PLA2G4E: variants seen among roughly 807,000 people sequenced by gnomAD.
PLA2G4E encodes the protein phospholipase A2 group IVE, also known as cytosolic phospholipase A2 epsilon.
Under a neutral mutation model 109.1 loss-of-function variants are expected in PLA2G4E, and 84 were observed. The observed-to-expected ratio is 0.77, with a 90% CI of 0.65 to 0.92. PLA2G4E has a LOEUF of 0.92. PLA2G4E is among the 40% of genes least tolerant of loss of function. The pLI, the probability that PLA2G4E is intolerant of heterozygous loss-of-function variation, is 0.00. For missense variants in PLA2G4E, 1,057 were observed against 1,076.6 expected (o/e 0.98, Z 0.25); for synonymous variants, 469 against 436.1 (o/e 1.08, Z -0.94).
At chr15:42,015,868 C>T (rs1416142037) in intron 1 of PLA2G4E, among the ~76,000 whole-genome samples, 2 of 152,250 alleles carry the variant, frequency 1.3e-5, no homozygotes, top group African/African-American at 2.4e-5. Context: ...CAGCCTCGCA[C>T]GGGTTCTCTT....
At chr15:42,020,640 G>T (rs1422009586) in intron 1 of PLA2G4E, among the ~76,000 whole-genome samples, 5 of 152,156 alleles carry the variant, frequency 3.3e-5, no homozygotes, top group Non-Finnish European at 7.3e-5. Context: ...CTCTATCTTG[G>T]GTGCTAGCCT....
exon 5 of PLA2G4E, chr15:42,004,959 A>G: frequency 1.2e-6 from 2 of 1,613,052 alleles, no homozygotes; most frequent in South Asian, 1.1e-5. Flanking sequence ...CAGGAACTCC[A>G]CCTCCAGCTC....
At chr15:41,988,466 A>G (rs1380287451) in intron 15 of PLA2G4E, among the ~76,000 whole-genome samples, 2 of 152,212 alleles carry the variant, frequency 1.3e-5, no homozygotes, top group African/African-American at 4.8e-5. Context: ...AGCTGCTGTC[A>G]GTGAATACAT....
At chr15:42,021,647 G>A (rs2724936) in intron 1 of PLA2G4E, among the ~76,000 whole-genome samples, 79,941 of 151,868 alleles carry the variant, frequency 0.53, 22,149 homozygotes, top group East Asian at 0.71. Context: ...GTGGAGAGAG[G>A]GCGTGTCCAG....
chr15:41,982,515 TAAG>T (rs1371881912), exon 20 of PLA2G4E: 1 of 152,204 alleles, frequency 6.6e-6, no homozygotes, highest in Non-Finnish European at 1.5e-5. Flanking sequence ...ACAACACAGA[TAAG>T]AGGAATCACA....
intron 1 of PLA2G4E, among the ~76,000 whole-genome samples, chr15:42,034,061 C>T (rs7163310): frequency 0.32 from 47,975 of 152,082 alleles, 8,658 homozygotes; most frequent in East Asian, 0.53. Flanking sequence ...GTATCTGCCT[C>T]GTAGCCCTCA....
intron 1 of PLA2G4E, among the ~76,000 whole-genome samples, chr15:42,032,202 CT>C (rs1023614797): frequency 2.8e-4 from 43 of 152,204 alleles, no homozygotes; most frequent in Admixed American, 3.9e-4. Context: ...AACCTCTTTT[CT>C]TTGTAAATTA....
intron 10 of PLA2G4E, chr15:41,999,239 A>G: frequency 3.2e-6 from 1 of 313,404 alleles, no homozygotes; most frequent in Non-Finnish European, 5.9e-6. Flanking sequence ...CCATAGAATA[A>G]GAGGAAATAT....
intron 5 of PLA2G4E, among the ~76,000 whole-genome samples, chr15:42,002,916 T>C (rs2068436930): frequency 6.6e-6 from 1 of 152,212 alleles, no homozygotes; most frequent in Non-Finnish European, 1.5e-5. Flanking sequence ...GATTTATAGG[T>C]TAGAAGAGTA....
chr15:42,048,651 G>A (rs1712413), intron 1 of PLA2G4E, among the ~76,000 whole-genome samples: 16 of 152,014 alleles, frequency 1.1e-4, no homozygotes, highest in African/African-American at 3.6e-4. Flanking sequence ...CAATGACAGC[G>A]AGCCGCATTG....
intron 14 of PLA2G4E, among the ~76,000 whole-genome samples, chr15:41,989,877 C>G (rs2068214013): frequency 6.6e-6 from 1 of 152,224 alleles, no homozygotes; most frequent in East Asian, 1.9e-4. Flanking sequence ...CTTTCACAAC[C>G]TTTGTCTTCC....
intron 1 of PLA2G4E, among the ~76,000 whole-genome samples, chr15:42,046,028 C>A (rs1889410042): frequency 6.6e-6 from 1 of 152,206 alleles, no homozygotes; most frequent in Non-Finnish European, 1.5e-5. Flanking sequence ...ATTCCTCCTT[C>A]CATATCCAGT....
At chr15:42,041,399 G>A (rs1889314743) in intron 1 of PLA2G4E, among the ~76,000 whole-genome samples, 1 of 152,170 alleles carries the variant, frequency 6.6e-6, no homozygotes, top group Admixed American at 6.5e-5. Flanking sequence ...TGGCATCTAG[G>A]CGTTGGATAC....
At chr15:42,027,643 G>A (rs949352948) in intron 1 of PLA2G4E, among the ~76,000 whole-genome samples, 1 of 152,172 alleles carries the variant, frequency 6.6e-6, no homozygotes, top group Non-Finnish European at 1.5e-5. Flanking sequence ...CTCACTTCTG[G>A]CGGCTGACTT....
intron 13 of PLA2G4E, among the ~76,000 whole-genome samples, chr15:41,990,846 C>T (rs1013115098): frequency 3.3e-5 from 5 of 150,548 alleles, no homozygotes; most frequent in South Asian, 2.1e-4. Flanking sequence ...CAGATCAGCC[C>T]GGGCCACAGT....
intron 1 of PLA2G4E, among the ~76,000 whole-genome samples, chr15:42,028,603 C>T (rs1889062065): frequency 6.6e-6 from 1 of 151,998 alleles, no homozygotes; most frequent in Non-Finnish European, 1.5e-5. Context: ...GAAGGAGTTT[C>T]ACCATGTGGG....
In PLA2G4E at chr15:42,019,786, G is replaced by C. The variant is rs562999704; in HGVS notation, c.184-6029C>G. ...TGGCTGTTTTCCTTTTTATCACCAGGCTAGTTGAGTGGTCAGGGCAAGAAA... is the reference window on the plus strand; with the variant it reads ...TGGCTGTTTTCCTTTTTATCACCAGCCTAGTTGAGTGGTCAGGGCAAGAAA... On this transcript the variant is annotated intron_variant, in intron 1 of 19. Transcript: ENST00000399518. Among the ~76,000 whole-genome samples, 3 of 152,274 alleles carry C rather than the reference G, an allele frequency of 2.0e-5. No individual in the cohort carries two copies. The South Asian group carries it at 6.2e-4, about 32-fold the overall frequency.
rs2141065343 is a variant in PLA2G4E at position 42,021,054 on chromosome 15, G to A, written c.184-7297C>T. Among the ~76,000 whole-genome samples the A allele has an allele frequency of 6.6e-6, 1 of 152,084 alleles. No individual in the cohort carries two copies. The highest frequency in any genetic ancestry group is 6.5e-5 in the Admixed American group (1 of 15,270). ...ATCACGGCAGCTCTCCAGCTGGGTG[G>A]CAAGATCAGGAACTTATACTCTGAC... On this transcript the variant is annotated intron_variant, in intron 1 of 19. Transcript: ENST00000399518.
At chr15:42,006,706 G>A (rs180721995) in intron 3 of PLA2G4E, among the ~76,000 whole-genome samples, 6 of 152,282 alleles carry the variant, frequency 3.9e-5, no homozygotes, top group African/African-American at 1.2e-4. Context: ...TGAACTCTGA[G>A]GTCAGTGTTC....
Sources: allele counts gnomAD v4.1 joint callset (sites outside exome capture counted in the v4.1 genomes callset), GRCh38; gene constraint gnomAD v4.1.1; transcripts MANE v1.5; gene names NCBI Gene and HGNC (gene_info 2026-07-23, HGNC 2026-07-21).